The following RABGAP1L variants were observed in gnomAD, a reference collection of about 807,000 sequenced individuals.
RABGAP1L encodes the protein rab GTPase-activating protein 1-like.
In RABGAP1L, 63 loss-of-function variants were observed where a neutral mutation model predicts 137.7. That is an observed-to-expected ratio of 0.46 (90% CI 0.37 to 0.56). The LOEUF (loss-of-function observed/expected upper bound fraction) is 0.56, where lower values mean the gene tolerates loss of function less well. Among genes scored for constraint, RABGAP1L ranks in the 20% least tolerant of loss-of-function variants. RABGAP1L has a pLI of 0.00. For synonymous variants in RABGAP1L, 431 were observed against 433.7 expected (o/e 0.99, Z 0.08); for missense variants, 1,095 against 1,244.0 (o/e 0.88, Z 1.80).
chr1:174,460,236 T>A (rs1337816456), intron 13 of RABGAP1L, among the ~76,000 whole-genome samples: 1 of 143,548 alleles, frequency 7.0e-6, no homozygotes, highest in African/African-American at 2.5e-5. Flanking sequence ...TAACTTCCTT[T>A]TTTTCCTCCT....
intron 13 of RABGAP1L, among the ~76,000 whole-genome samples, chr1:174,461,225 A>G (rs905647819): frequency 2.6e-5 from 4 of 152,142 alleles, no homozygotes; most frequent in African/African-American, 9.7e-5. Context: ...AGGGGAGGAT[A>G]TGTTCCTAAG....
intron 17 of RABGAP1L, among the ~76,000 whole-genome samples, chr1:174,723,468 G>A (rs1168815702): frequency 1.3e-5 from 2 of 152,124 alleles, no homozygotes; most frequent in Non-Finnish European, 2.9e-5. Flanking sequence ...TGGAGATAAG[G>A]TCGTAAGAAC....
At chr1:174,172,432 T>G (rs562184447) in intron 1 of RABGAP1L, among the ~76,000 whole-genome samples, 1 of 152,324 alleles carries the variant, frequency 6.6e-6, no homozygotes, top group Admixed American at 6.5e-5. Context: ...TCTATACCAT[T>G]TTCCGTAATG....
chr1:174,375,763 AT>A (rs751617950), intron 12 of RABGAP1L, among the ~76,000 whole-genome samples: 6 of 152,184 alleles, frequency 3.9e-5, no homozygotes, highest in Non-Finnish European at 8.8e-5. Flanking sequence ...TCTACCAAAT[AT>A]TTAAGAAAAA....
chr1:174,766,527 ATTCTCCAGTT>A (rs1396040068), intron 18 of RABGAP1L, among the ~76,000 whole-genome samples: 2 of 152,306 alleles, frequency 1.3e-5, no homozygotes, highest in Non-Finnish European at 1.5e-5. Context: ...GGAAGTGTGC[ATTCTCCAGTT>A]TTGTTCTTCT....
chr1:174,585,009 G>C (rs1669014899), intron 13 of RABGAP1L, among the ~76,000 whole-genome samples: 2 of 152,010 alleles, frequency 1.3e-5, no homozygotes, highest in African/African-American at 4.8e-5. Flanking sequence ...GACAAGTGTT[G>C]TAAGTATAAA....
intron 11 of RABGAP1L, among the ~76,000 whole-genome samples, chr1:174,358,726 A>G (rs573163628): frequency 7.2e-5 from 11 of 152,274 alleles, no homozygotes; most frequent in African/African-American, 2.4e-4. Flanking sequence ...CTGCACACAA[A>G]TGCTTATATA....
At chr1:174,551,025 TACACACAC>T (rs752146297) in intron 13 of RABGAP1L, among the ~76,000 whole-genome samples, 17 of 117,746 alleles carry the variant, frequency 1.4e-4, no homozygotes, top group South Asian at 2.6e-4. Context: ...TATATATACA[TACACACAC>T]ACACATATAT....
Position 174,475,772 on chromosome 1 carries a change from T to TAA in RABGAP1L, c.1710+81652_1710+81653dup, listed in dbSNP as rs61597461. Among the ~76,000 whole-genome samples, 618 of 69,924 alleles carry TAA rather than the reference T, an allele frequency of 8.8e-3. 41 individuals are homozygous for TAA. Among genetic ancestry groups the TAA allele is most frequent in the Middle Eastern group, 0.033 (3 of 90 alleles). The allele number at this position is 69,924 out of a possible 152,430, so 45.9% of individuals were successfully genotyped here. A position where few individuals can be genotyped will look rare whatever the true frequency, so the allele number is the denominator to read the frequency against. ...AGTGACAGACTGAGACCCCGTGTCT[T>TAA]AAAAAAAAAAAAAAAAAAAAAAAAA... On this transcript the variant is annotated intron_variant, in intron 13 of 25. Coordinates refer to ENST00000681986, the MANE Select transcript of RABGAP1L (RefSeq NM_001366446.1).
intron 13 of RABGAP1L, among the ~76,000 whole-genome samples, chr1:174,557,500 G>T (rs995257669): frequency 1.3e-5 from 2 of 152,100 alleles, no homozygotes; most frequent in African/African-American, 4.8e-5. Context: ...GGGAACTGTG[G>T]CTCCACCATA....
chr1:174,839,208 A>G (rs1292212510), intron 19 of RABGAP1L, among the ~76,000 whole-genome samples: 2 of 152,134 alleles, frequency 1.3e-5, no homozygotes, highest in East Asian at 1.9e-4. Context: ...CTGTGTTCCT[A>G]TACTTTTCAT....
At chr1:174,540,833 A>C (rs1415660361) in intron 13 of RABGAP1L, among the ~76,000 whole-genome samples, 1 of 152,212 alleles carries the variant, frequency 6.6e-6, no homozygotes, top group Non-Finnish European at 1.5e-5. Context: ...CTGTGAAGAA[A>C]GTCACTGGTA....
chr1:174,976,021 C>G, intron 21 of RABGAP1L, 57 bp from the exon 22 acceptor site: 5 of 1,436,272 alleles, frequency 3.5e-6, no homozygotes, highest in Non-Finnish European at 4.8e-6. Context: ...TTTCCACACA[C>G]TTTCTTTACC....
intron 13 of RABGAP1L, among the ~76,000 whole-genome samples, chr1:174,587,644 G>A (rs376970037): frequency 9.3e-4 from 141 of 151,960 alleles, no homozygotes; most frequent in African/African-American, 3.1e-3. Context: ...AAAATAATGT[G>A]AACTTTTCTT....
chr1:174,927,224 A>T (rs1437633812), intron 19 of RABGAP1L, among the ~76,000 whole-genome samples: 1 of 152,154 alleles, frequency 6.6e-6, no homozygotes, highest in African/African-American at 2.4e-5. Context: ...TTAATAGTCT[A>T]TTCTATTCTG....
At chr1:174,552,351 G>T (rs934310292) in intron 13 of RABGAP1L, among the ~76,000 whole-genome samples, 1 of 152,014 alleles carries the variant, frequency 6.6e-6, no homozygotes, top group Non-Finnish European at 1.5e-5. Flanking sequence ...AAAGGCCCCA[G>T]TATGTTGTTT....
intron 13 of RABGAP1L, among the ~76,000 whole-genome samples, chr1:174,443,193 A>T (rs1654349800): frequency 6.6e-6 from 1 of 152,068 alleles, no homozygotes; most frequent in South Asian, 2.1e-4. Context: ...TAGTGCATTT[A>T]TCTGTTTGAT....
At chr1:174,483,831 A>AT (rs970047929) in intron 13 of RABGAP1L, among the ~76,000 whole-genome samples, 4 of 152,150 alleles carry the variant, frequency 2.6e-5, no homozygotes, top group Non-Finnish European at 5.9e-5. Flanking sequence ...AAAAAAAAAA[A>AT]AATCTTGGTT....
intron 7 of RABGAP1L, among the ~76,000 whole-genome samples, chr1:174,271,256 T>C (rs1674536102): frequency 6.6e-6 from 1 of 152,078 alleles, no homozygotes; most frequent in Non-Finnish European, 1.5e-5. Flanking sequence ...CTCAAGAACT[T>C]ATAGGAAGTA....
Sources: allele counts gnomAD v4.1 joint callset (sites outside exome capture counted in the v4.1 genomes callset), GRCh38; gene constraint gnomAD v4.1.1; transcripts MANE v1.5; gene names NCBI Gene and HGNC (gene_info 2026-07-23, HGNC 2026-07-21).